The following DIAPH3 variants were observed in gnomAD, a reference collection of about 807,000 sequenced individuals.
DIAPH3 encodes protein diaphanous homolog 3.
A neutral mutation model predicts 144.3 loss-of-function variants in DIAPH3; 117 were observed. The observed-to-expected ratio is 0.81, with a 90% CI of 0.70 to 0.95. The LOEUF is 0.95. Among genes scored for constraint, DIAPH3 ranks in the 40% least tolerant of loss-of-function variants. DIAPH3 has a pLI of 0.00. For missense variants in DIAPH3, 1,421 were observed against 1,412.7 expected (o/e 1.01, Z -0.09); for synonymous variants, 519 against 488.9 (o/e 1.06, Z -0.81).
rs1266578966 is a variant in DIAPH3 at position 59,971,236 on chromosome 13, T to C, written c.1651-76A>G. 7.8e-6 allele frequency: 11 copies of C among 1,402,600 alleles called. No individual in the cohort carries two copies. The South Asian group carries it at 1.5e-4, about 19-fold the overall frequency. 86.9% of individuals were successfully genotyped at this position (1,402,600 alleles called of 1,614,324 possible). ...TGTAAATATGCACTTTACTCAAAAATAAGGCATTCATTTAAACCAAAAATA... is the reference window on the plus strand; with the variant it reads ...TGTAAATATGCACTTTACTCAAAAACAAGGCATTCATTTAAACCAAAAATA... On this transcript the variant is annotated intron_variant, in intron 15 of 27. Coordinates refer to ENST00000400324, the MANE Select transcript of DIAPH3 (RefSeq NM_001042517.2).
At chr13:60,104,724 C>T (rs1243656263) in intron 3 of DIAPH3, among the ~76,000 whole-genome samples, 3 of 152,094 alleles carry the variant, frequency 2.0e-5, no homozygotes, top group African/African-American at 7.2e-5. Context: ...TGTAACCTTG[C>T]CAGAATTGTT....
At chr13:60,034,020 T>C (rs2055002493) in intron 5 of DIAPH3, among the ~76,000 whole-genome samples, 2 of 152,200 alleles carry the variant, frequency 1.3e-5, no homozygotes, top group African/African-American at 4.8e-5. Flanking sequence ...AAAAATCTTT[T>C]ACTTAACCGA....
At chr13:59,942,948 T>A (rs2140392768) in intron 17 of DIAPH3, among the ~76,000 whole-genome samples, 1 of 152,298 alleles carries the variant, frequency 6.6e-6, no homozygotes, top group South Asian at 2.1e-4. Context: ...TTTTCCTTAT[T>A]AATGAGCATT....
chr13:60,064,847 T>C (rs1381237480), intron 4 of DIAPH3, among the ~76,000 whole-genome samples: 1 of 152,158 alleles, frequency 6.6e-6, no homozygotes, highest in Non-Finnish European at 1.5e-5. Flanking sequence ...TGATTTAAAA[T>C]GAGAGACTTG....
chr13:59,851,877 C>G (rs2042995447), intron 22 of DIAPH3, among the ~76,000 whole-genome samples: 1 of 152,108 alleles, frequency 6.6e-6, no homozygotes, highest in Non-Finnish European at 1.5e-5. Flanking sequence ...CTCGGCCTCC[C>G]AAAGTGCTGG....
chr13:59,885,362 A>G (rs565350508), intron 20 of DIAPH3, among the ~76,000 whole-genome samples: 1 of 151,230 alleles, frequency 6.6e-6, no homozygotes, highest in Non-Finnish European at 1.5e-5. Flanking sequence ...TTTGATTTCA[A>G]TCACTATAGC....
chr13:60,014,738 G>A (rs978419861), intron 7 of DIAPH3, among the ~76,000 whole-genome samples: 4 of 151,730 alleles, frequency 2.6e-5, no homozygotes, highest in African/African-American at 4.8e-5. Flanking sequence ...AAAAATAATC[G>A]TACCACCACA....
At position 59,745,495 on chromosome 13, in the gene DIAPH3, G is replaced by A. The variant is rs1056513936; in HGVS notation, c.3319+28694C>T. ...TGACTCACAAAAAAAAATGACTAGTGTTTGTAATAGAGATATTCCTTGCAC... is the reference window on the plus strand; with the variant it reads ...TGACTCACAAAAAAAAATGACTAGTATTTGTAATAGAGATATTCCTTGCAC... On this transcript the variant is annotated intron_variant, in intron 27 of 27. Transcript: ENST00000400324. Among the ~76,000 whole-genome samples, 2 of 152,180 alleles carry A rather than the reference G, an allele frequency of 1.3e-5. 1 individual carries two copies. Among genetic ancestry groups the A allele is most frequent in the Non-Finnish European group, 2.9e-5 (2 of 68,034 alleles).
At chr13:60,160,021 C>T (rs531892148) in intron 1 of DIAPH3, among the ~76,000 whole-genome samples, 3 of 152,196 alleles carry the variant, frequency 2.0e-5, no homozygotes, top group South Asian at 2.1e-4. Context: ...GTCAGGAGTT[C>T]GAGACCATCC....
chr13:59,837,995 A>G (rs949016850), intron 23 of DIAPH3: 1 of 152,140 alleles, frequency 6.6e-6, no homozygotes, highest in Non-Finnish European at 1.5e-5. Context: ...AATAAAATCT[A>G]TGACAAGCCA....
intron 3 of DIAPH3, among the ~76,000 whole-genome samples, chr13:60,110,438 A>T (rs1025179130): frequency 6.6e-6 from 1 of 152,190 alleles, no homozygotes; most frequent in Non-Finnish European, 1.5e-5. Context: ...ACATAGAAAT[A>T]GCTCTAAATT....
At chr13:59,919,170 G>A (rs1159353438) in intron 18 of DIAPH3, among the ~76,000 whole-genome samples, 1 of 151,986 alleles carries the variant, frequency 6.6e-6, no homozygotes, top group Non-Finnish European at 1.5e-5. Context: ...AAGAAAACGT[G>A]AAATTTATTG....
At chr13:59,802,661 A>T (rs9563764) in intron 25 of DIAPH3, among the ~76,000 whole-genome samples, 370 of 26,054 alleles carry the variant, frequency 0.014, 3 homozygotes, top group South Asian at 0.026. Context: ...TATTATTATT[A>T]TTATTATTTT....
intron 18 of DIAPH3, among the ~76,000 whole-genome samples, chr13:59,924,534 TC>T (rs1474297915): frequency 6.6e-6 from 1 of 151,766 alleles, no homozygotes; most frequent in African/African-American, 2.4e-5. Context: ...TTTTTTTTTT[TC>T]AGTTATGAAA....
intron 4 of DIAPH3, among the ~76,000 whole-genome samples, chr13:60,090,039 T>C (rs2057879596): frequency 6.6e-6 from 1 of 152,148 alleles, no homozygotes; most frequent in Non-Finnish European, 1.5e-5. Context: ...GAAGCAGCTC[T>C]GTGACATCAA....
At chr13:59,871,767 TGATTC>T (rs1199785312) in intron 21 of DIAPH3, among the ~76,000 whole-genome samples, 1 of 152,248 alleles carries the variant, frequency 6.6e-6, no homozygotes, top group Non-Finnish European at 1.5e-5. Context: ...TATTCATTAT[TGATTC>T]AAGTATTTTA....
chr13:59,848,392 T>G (rs535520859), intron 22 of DIAPH3, among the ~76,000 whole-genome samples: 2 of 150,744 alleles, frequency 1.3e-5, no homozygotes, highest in Non-Finnish European at 2.9e-5. Context: ...TGCATACATG[T>G]GCCATGCTGG....
At chr13:59,852,635 TG>T (rs1484295982) in intron 22 of DIAPH3, among the ~76,000 whole-genome samples, 1 of 152,210 alleles carries the variant, frequency 6.6e-6, no homozygotes, top group Admixed American at 6.5e-5. Context: ...TGCATTGAGC[TG>T]TACACTTATG....
intron 27 of DIAPH3, among the ~76,000 whole-genome samples, chr13:59,700,233 C>T (rs1176670730): frequency 1.3e-5 from 2 of 152,084 alleles, no homozygotes; most frequent in Admixed American, 6.6e-5. Context: ...TAGTATAACA[C>T]CTAATTGCCC....
Sources: gnomAD v4.1 joint callset for allele counts (sites outside exome capture counted in the v4.1 genomes callset) on GRCh38, gnomAD v4.1.1 for gene constraint, MANE v1.5 for transcripts, NCBI Gene and HGNC (gene_info 2026-07-23, HGNC 2026-07-21) for gene names.